Variants in SERPINA11 observed in about 807,000 individuals in gnomAD.
SERPINA11 encodes the protein serpin A11.
Under a neutral mutation model 29.4 loss-of-function variants are expected in SERPINA11, and 28 were observed. The ratio of observed to expected loss-of-function variants is 0.95; its 90% CI spans 0.70 to 1.30. The LOEUF is 1.30. Ranked by LOEUF, SERPINA11 falls within the 50% of genes most tolerant of loss-of-function variation. The pLI is 0.00. For missense variants in SERPINA11, 530 were observed against 507.3 expected, an observed-to-expected ratio of 1.04 and a Z score of -0.43; for synonymous variants, 253 against 206.6, an observed-to-expected ratio of 1.22 and a Z score of -1.92.
rs758280945 is a variant in SERPINA11, at chr14:94,446,389, C to T, written c.859G>A (p.Val287Met). The stretch of plus-strand genomic sequence containing the variant: ...GTCTGTGGCTGCAGAGCAGCCTCCA[C>T]CTGCTTCATTTTCCCCGGGTCAGGG... ...VLPDPGKMKQ[V>M]EAALQPQTLR... Residue 287 changes from valine (V) to methionine (M), a missense_variant, in exon 3 of 5, where the codon GTG becomes ATG. Coordinates refer to ENST00000334708, the MANE Select transcript of SERPINA11 (RefSeq NM_001080451.2). 4 of 1,613,928 alleles carry T rather than the reference C, an allele frequency of 2.5e-6. No homozygotes were observed. Among genetic ancestry groups the T allele is most frequent in the Admixed American group, 1.7e-5 (1 of 60,012 alleles).
chr14:94,448,701 TG>T lies in SERPINA11; in HGVS notation c.73del (p.His25MetfsTer54). On this transcript the variant is annotated frameshift_variant, in exon 2 of 5. Coordinates refer to ENST00000334708, the MANE Select transcript of SERPINA11 (RefSeq NM_001080451.2). LOFTEE classifies it high-confidence loss of function. ...ASVHCQPLLA[H>X]GDKSLQGPQP... Reference sequence around the variant, plus strand: ...AGGCCCCTGCAGACTTTTATCTCCATGGGCAAGAAGGGGCTGACAGTGGACA... The same window carrying T: ...AGGCCCCTGCAGACTTTTATCTCCATGGCAAGAAGGGGCTGACAGTGGACA... The T allele has an allele frequency of 6.5e-7, 1 of 1,539,514 alleles. No individual in the cohort carries two copies. Among genetic ancestry groups the T allele is most frequent in the Non-Finnish European group, 8.7e-7 (1 of 1,144,778 alleles).
chr14:94,448,570 C>T lies in SERPINA11; in HGVS notation c.205G>A (p.Ala69Thr), dbSNP rs766292051. The part of the protein sequence containing the change: ...LRLYKELAAD[A>T]PGNIFFSPVS... ...GGCGAGAAGAAGATGTTTCCGGGGG[C>T]GTCTGCTGCCAGCTCTTTATACAAA... The change falls in exon 2 of 5, where the codon GCC becomes ACC. Residue 69 changes from alanine to threonine, a missense_variant. Coordinates refer to ENST00000334708, the MANE Select transcript of SERPINA11 (RefSeq NM_001080451.2). 33 of 1,614,006 alleles carry T rather than the reference C, an allele frequency of 2.0e-5. No homozygotes were observed. The highest frequency in any genetic ancestry group is 2.5e-5 in the Non-Finnish European group (29 of 1,180,036).
At chr14:94,444,136 T>G (rs371895444) in intron 3 of SERPINA11, among the ~76,000 whole-genome samples, 31 of 152,174 alleles carry the variant, frequency 2.0e-4, no homozygotes, top group African/African-American at 7.2e-4. Context: ...AGGCAGCACT[T>G]GGGTGGGAAG....
At position 94,446,247 on chromosome 14, in the gene SERPINA11, T is replaced by C; in HGVS notation, c.917+84A>G. On this transcript the variant is annotated intron_variant, in intron 3 of 4. Coordinates refer to ENST00000334708, the MANE Select transcript of SERPINA11 (RefSeq NM_001080451.2). ...ATGGTGAGCCTAATCGAGATGGATG[T>C]TGGGCTTTTGCAGCTGGAGTTGATC... is the stretch of plus-strand genomic sequence containing the variant. The C allele has an allele frequency of 3.2e-6, 4 of 1,259,440 alleles. No individual in the cohort carries two copies. The South Asian group carries it at 5.6e-5, about 18-fold the overall frequency. 78.0% of individuals were successfully genotyped at this position (1,259,440 alleles called of 1,614,324 possible). A position where few individuals can be genotyped will look rare whatever the true frequency, so the allele number is the denominator to read the frequency against.
chr14:94,448,953 G>A (rs1322832296), intron 1 of SERPINA11, among the ~76,000 whole-genome samples, 176 bp from the exon 2 acceptor site: 1 of 152,236 alleles, frequency 6.6e-6, no homozygotes, highest in East Asian at 1.9e-4. Context: ...CGAGGCTTCA[G>A]TGAAGGTAGC....
At chr14:94,449,645 C>A (rs1898551569) in intron 1 of SERPINA11, among the ~76,000 whole-genome samples, 1 of 150,538 alleles carries the variant, frequency 6.6e-6, no homozygotes, top group Non-Finnish European at 1.5e-5. Context: ...TTCAATCATT[C>A]ATTAACTTTC....
chr14:94,450,295 G>C (rs753710905), intron 1 of SERPINA11, among the ~76,000 whole-genome samples: 3 of 152,094 alleles, frequency 2.0e-5, no homozygotes, highest in Non-Finnish European at 4.4e-5. Flanking sequence ...TTGGAAATAG[G>C]GTCATTGGAG....
chr14:94,452,685 G>A (rs998546854), intron 1 of SERPINA11, 44 bp downstream of exon 1: 1 of 150,326 alleles, frequency 6.7e-6, no homozygotes, highest in Non-Finnish European at 1.5e-5. Context: ...GAGTGAGGCA[G>A]TTTCTGCCCC....
chr14:94,442,644 G>C lies in SERPINA11; in HGVS notation c.1231C>G (p.Leu411Val), dbSNP rs1898363112. The change falls in exon 5 of 5, where the codon CTC (leucine) becomes GTC (valine). Residue 411 changes from leucine (L) to valine (V), a missense_variant. Transcript: ENST00000334708. ...LLWEVTTQSL[L>V]FLGKVVNPVA... ...GGGTTGACAACTTTTCCCAGGAAGA[G>C]TAAGCTCTGGGTGGTGACCTCCCAA... 1 of 1,611,958 alleles carries C rather than the reference G, an allele frequency of 6.2e-7. No individual in the cohort carries two copies. The highest frequency in any genetic ancestry group is 8.5e-7 in the Non-Finnish European group (1 of 1,179,130).
intron 2 of SERPINA11, among the ~76,000 whole-genome samples, chr14:94,447,803 A>G (rs1199591164): frequency 6.6e-6 from 1 of 152,002 alleles, no homozygotes; most frequent in Non-Finnish European, 1.5e-5. Flanking sequence ...ACCTCTCCCA[A>G]GCTTCTTCAC....
intron 1 of SERPINA11, among the ~76,000 whole-genome samples, chr14:94,449,119 G>A (rs1007371453): frequency 2.0e-5 from 3 of 152,218 alleles, no homozygotes; most frequent in African/African-American, 7.2e-5. Flanking sequence ...GGGAGGCTGA[G>A]GTGGGAGGAT....
At chr14:94,450,534 C>G (rs1478538301) in intron 1 of SERPINA11, among the ~76,000 whole-genome samples, 1 of 152,204 alleles carries the variant, frequency 6.6e-6, no homozygotes, top group East Asian at 1.9e-4. Flanking sequence ...TTCTCCTTCA[C>G]AGCCTCAGAA....
rs775359654 is a variant in SERPINA11, at chr14:94,442,768, G to T, written c.1107C>A (p.Thr369=). The change falls in exon 5 of 5, where the codon ACC becomes ACA. Residue 369 remains threonine, a synonymous_variant. Coordinates refer to ENST00000334708, the MANE Select transcript of SERPINA11 (RefSeq NM_001080451.2). ...KAMVDMSEKG[T]EAGAASGLLS... ...GGAGGCCTGAAGCAGCCCCGGCCTC[G>T]GTCCCCTTCTCACTCATGTCCACCA... 7 of 1,612,460 alleles carry T rather than the reference G, an allele frequency of 4.3e-6. No homozygotes were observed. In the Admixed American group the frequency reaches 5.0e-5, roughly 12 times the overall value.
chr14:94,448,584 T>A lies in SERPINA11; in HGVS notation c.191A>T (p.Glu64Val). Residue 64 changes from glutamate to valine, a missense_variant, in exon 2 of 5, where the codon GAG becomes GTG. Transcript: ENST00000334708. Reference protein sequence around the residue: ...ITNFALRLYKELAADAPGNIF... With the variant: ...ITNFALRLYKVLAADAPGNIF... ...GTTTCCGGGGGCGTCTGCTGCCAGC[T>A]CTTTATACAAACGCAAAGCAAAATT... The A allele has an allele frequency of 6.2e-7, 1 of 1,614,050 alleles. No homozygotes were observed.
At chr14:94,446,149 G>A (rs1455177696) in intron 3 of SERPINA11, among the ~76,000 whole-genome samples, 182 bp downstream of exon 3, 1 of 152,184 alleles carries the variant, frequency 6.6e-6, no homozygotes, top group Non-Finnish European at 1.5e-5. Flanking sequence ...CAGGTATCAT[G>A]TTCTTAGTTT....
In SERPINA11 at chr14:94,452,557, T is replaced by C. The variant is rs565149574; in HGVS notation, c.-4+172A>G. Reference sequence around the variant, plus strand: ...AGGGAGTACATGGTTGCATTTCTTCTTCAGGGACTTACTTCTCCCATCCTT... The same window carrying C: ...AGGGAGTACATGGTTGCATTTCTTCCTCAGGGACTTACTTCTCCCATCCTT... On this transcript the variant is annotated intron_variant, in intron 1 of 4. Transcript: ENST00000334708. Among the ~76,000 whole-genome samples, 7 of 149,440 alleles carry C rather than the reference T, an allele frequency of 4.7e-5. No individual in the cohort carries two copies. In the Admixed American group the frequency reaches 4.7e-4, roughly 10 times the overall value.
At position 94,448,437 on chromosome 14, in the gene SERPINA11, G is replaced by A; in HGVS notation, c.338C>T (p.Ala113Val). 1 of 1,614,172 alleles carries A rather than the reference G, an allele frequency of 6.2e-7. No homozygotes were observed. The highest frequency in any genetic ancestry group is 8.5e-7 in the Non-Finnish European group (1 of 1,180,036). ...GCTCCGGAAGCCCTGGTGGATGTCG[G>A]CTTCAGGGGTTTCTGTGAGGTTGAA... ...LGFNLTETPE[A>V]DIHQGFRSLL... Residue 113 changes from alanine to valine, a missense_variant, in exon 2 of 5, where the codon GCC becomes GTC. Transcript: ENST00000334708.
rs1251499526 is a variant in SERPINA11 at position 94,448,657 on chromosome 14, G to T, written c.118C>A (p.Leu40Ile). The change falls in exon 2 of 5, where the codon CTC (leucine) becomes ATC (isoleucine). Residue 40 changes from leucine (L) to isoleucine (I), a missense_variant. Coordinates refer to ENST00000334708, the MANE Select transcript of SERPINA11 (RefSeq NM_001080451.2). ...LQGPQPPRHQ[L>I]SEPAPAYHRI... ...TGGTAGGCGGGGGCTGGCTCTGAGAGCTGATGCCTGGGGGGTTGAGGCCCC... is the reference window on the plus strand; with the variant it reads ...TGGTAGGCGGGGGCTGGCTCTGAGATCTGATGCCTGGGGGGTTGAGGCCCC... 7 of 1,591,216 alleles carry T rather than the reference G, an allele frequency of 4.4e-6. No homozygotes were observed. The highest frequency in any genetic ancestry group is 1.7e-6 in the Non-Finnish European group (2 of 1,167,726).
At chr14:94,449,413 CTTTCTTTCTTT>C in intron 1 of SERPINA11, among the ~76,000 whole-genome samples, 1 of 37,270 alleles carries the variant, frequency 2.7e-5, no homozygotes, top group South Asian at 1.1e-3. Context: ...TCTATTCTTT[CTTTCTTTCTTT>C]CTTTCTTTCT....
Sources: allele counts gnomAD v4.1 joint callset (sites outside exome capture counted in the v4.1 genomes callset), GRCh38; gene constraint gnomAD v4.1.1; transcripts MANE v1.5; gene names NCBI Gene and HGNC (gene_info 2026-07-23, HGNC 2026-07-21).